Variants in QSOX1 observed in about 807,000 individuals in gnomAD.
QSOX1 encodes sulfhydryl oxidase 1.
Under a neutral mutation model 76.1 loss-of-function variants are expected in QSOX1, and 40 were observed. The observed-to-expected ratio is 0.53, with a 90% confidence interval of 0.41 to 0.68. QSOX1 has a LOEUF of 0.68. Ranked by LOEUF, QSOX1 falls within the 30% of genes least tolerant of loss-of-function variation. The pLI is 0.00. For synonymous variants in QSOX1, 392 were observed against 413.1 expected (o/e 0.95, Z 0.62); for missense variants, 931 against 974.3 (o/e 0.96, Z 0.59).
chr1:180,197,311 G>A lies in QSOX1; in HGVS notation c.*274G>A. ...GGGCAGCTCAGTCCCTGGCCTCTTA[G>A]CACCACATTCCTGTTTTTCAGCTTA... On this transcript the variant is annotated 3_prime_UTR_variant, in exon 12 of 12. Transcript: ENST00000367602. 1.2e-6 allele frequency: 2 copies of A among 1,613,962 alleles called. No individual in the cohort carries two copies. Among genetic ancestry groups the A allele is most frequent in the Non-Finnish European group, 8.5e-7 (1 of 1,180,012 alleles).
intron 1 of QSOX1, 36 bp downstream of exon 1, chr1:180,155,208 G>T: frequency 1.4e-6 from 2 of 1,434,304 alleles, no homozygotes; most frequent in Non-Finnish European, 1.8e-6. Flanking sequence ...CCCGTGCCCC[G>T]CCGCCCGGAC....
chr1:180,180,502 G>A (rs963006902), intron 5 of QSOX1, among the ~76,000 whole-genome samples: 6 of 151,724 alleles, frequency 4.0e-5, no homozygotes, highest in African/African-American at 1.5e-4. Context: ...GAGCCACTGC[G>A]CCCAACCAGG....
At chr1:180,171,259 A>G (rs755046705) in intron 2 of QSOX1, among the ~76,000 whole-genome samples, 1 of 152,184 alleles carries the variant, frequency 6.6e-6, no homozygotes, top group Non-Finnish European at 1.5e-5. Context: ...AGGCAGGTGG[A>G]GAAGGAGAGG....
At chr1:180,195,438 T>G (rs1010704979) in intron 11 of QSOX1, among the ~76,000 whole-genome samples, 1 of 152,224 alleles carries the variant, frequency 6.6e-6, no homozygotes, top group Admixed American at 6.5e-5. Flanking sequence ...CTGTTGCTGC[T>G]CCTGCTTCCT....
intron 10 of QSOX1, among the ~76,000 whole-genome samples, chr1:180,192,335 GT>G (rs1663339893): frequency 6.6e-6 from 1 of 152,312 alleles, no homozygotes; most frequent in Non-Finnish European, 1.5e-5. Context: ...GGGTTTGGAG[GT>G]TGGTGTTGGC....
chr1:180,182,416 A>G (rs1047706714), intron 6 of QSOX1, 97 bp downstream of exon 6: 1 of 1,499,336 alleles, frequency 6.7e-7, no homozygotes, highest in Admixed American at 1.8e-5. Flanking sequence ...AGTGGCCAAC[A>G]TGTTCTTTCT....
At chr1:180,161,612 T>A (rs944739227) in intron 1 of QSOX1, among the ~76,000 whole-genome samples, 6 of 152,220 alleles carry the variant, frequency 3.9e-5, no homozygotes, top group African/African-American at 1.2e-4. Flanking sequence ...ATGTTTCCAT[T>A]TTTGTTCACA....
chr1:180,184,595 G>A (rs1017800694), intron 7 of QSOX1, among the ~76,000 whole-genome samples: 4 of 152,156 alleles, frequency 2.6e-5, no homozygotes, highest in African/African-American at 7.2e-5. Flanking sequence ...GTCCACAGTC[G>A]TAAGCATGAG....
intron 5 of QSOX1, among the ~76,000 whole-genome samples, chr1:180,180,368 G>T (rs1663000564): frequency 6.6e-6 from 1 of 151,614 alleles, no homozygotes; most frequent in Admixed American, 6.6e-5. Context: ...GCACCACCAT[G>T]CCTGGCTAAT....
At chr1:180,160,818 C>T (rs1662477397) in intron 1 of QSOX1, among the ~76,000 whole-genome samples, 1 of 152,040 alleles carries the variant, frequency 6.6e-6, no homozygotes, top group South Asian at 2.1e-4. Context: ...GAGACTTGTC[C>T]CTTGAAATGT....
rs1480167672 is a variant in QSOX1, at chr1:180,202,718, G to A, written c.*5681G>A. 1 of 148,310 alleles carries A rather than the reference G, an allele frequency of 6.7e-6. No individual in the cohort carries two copies. Among genetic ancestry groups the A allele is most frequent in the Non-Finnish European group, 1.5e-5 (1 of 67,230 alleles). The allele number at this position is 148,310 out of a possible 1,614,324, so 9.2% of individuals were successfully genotyped here. A position where few individuals can be genotyped will look rare whatever the true frequency, so the allele number is the denominator to read the frequency against. On this transcript the variant is annotated 3_prime_UTR_variant, in exon 12 of 12. Transcript: ENST00000367602. ...GGGAAATATAATTGAATACTTCACT[G>A]TTTTTGAAAGCATGAAAACAATGGA...
intron 9 of QSOX1, 127 bp downstream of exon 9, chr1:180,189,801 C>A: frequency 9.3e-7 from 1 of 1,072,946 alleles, no homozygotes; most frequent in South Asian, 1.6e-5. Context: ...TCGTTGGGTC[C>A]TAACAATAAT....
Position 180,197,551 on chromosome 1 carries a change from G to A in QSOX1, c.*514G>A, listed in dbSNP as rs1442464856. 7.4e-6 allele frequency: 5 copies of A among 679,814 alleles called. No individual in the cohort carries two copies. Among genetic ancestry groups the A allele is most frequent in the Non-Finnish European group, 1.2e-5 (5 of 410,816 alleles). The allele number at this position is 679,814 out of a possible 1,614,324, so 42.1% of individuals were successfully genotyped here. A position where few individuals can be genotyped will look rare whatever the true frequency, so the allele number is the denominator to read the frequency against. ...GGAAGGACCACCCCGGGCCCTCTAT[G>A]CCTGGCCAGCCTCCAGCTCCTCAGA... On this transcript the variant is annotated 3_prime_UTR_variant, in exon 12 of 12. Coordinates refer to ENST00000367602, the MANE Select transcript of QSOX1 (RefSeq NM_002826.5).
intron 5 of QSOX1, among the ~76,000 whole-genome samples, chr1:180,179,349 C>G (rs945407251): frequency 6.6e-6 from 1 of 152,176 alleles, no homozygotes; most frequent in Non-Finnish European, 1.5e-5. Context: ...CTAGCCCCAC[C>G]GGAGGAAATG....
chr1:180,176,858 G>A (rs1350407243), intron 4 of QSOX1, among the ~76,000 whole-genome samples: 1 of 152,240 alleles, frequency 6.6e-6, no homozygotes, highest in Non-Finnish European at 1.5e-5. Flanking sequence ...CGCTGTTGGT[G>A]CGCAGAGGCT....
chr1:180,157,160 A>G (rs893318717), intron 1 of QSOX1, among the ~76,000 whole-genome samples: 4 of 152,244 alleles, frequency 2.6e-5, no homozygotes, highest in African/African-American at 9.6e-5. Context: ...AAGGAAATGG[A>G]AGGATCAAAG....
intron 1 of QSOX1, among the ~76,000 whole-genome samples, 192 bp downstream of exon 1, chr1:180,155,364 T>G (rs927204059): frequency 1.3e-5 from 2 of 152,028 alleles, no homozygotes; most frequent in Admixed American, 1.3e-4. Context: ...TCCCTTGCCT[T>G]TTCCTCTTGG....
chr1:180,197,199 G>A lies in QSOX1; in HGVS notation c.*162G>A. ...CAGTGAAGCTTCTTGGGGTTGCTAG[G>A]ACAGAGAGCTCCTTTGACACAAAAG... On this transcript the variant is annotated 3_prime_UTR_variant, in exon 12 of 12. Transcript: ENST00000367602. 1.3e-6 allele frequency: 2 copies of A among 1,554,970 alleles called. No homozygotes were observed. Among genetic ancestry groups the A allele is most frequent in the South Asian group, 2.4e-5 (2 of 83,066 alleles).
chr1:180,159,851 A>G (rs1380457851), intron 1 of QSOX1, among the ~76,000 whole-genome samples: 1 of 152,190 alleles, frequency 6.6e-6, no homozygotes, highest in Non-Finnish European at 1.5e-5. Context: ...CCTCCTAGAA[A>G]TATTATTTAA....
Sources: allele counts gnomAD v4.1 joint callset (sites outside exome capture counted in the v4.1 genomes callset), GRCh38; gene constraint gnomAD v4.1.1; transcripts MANE v1.5; gene names NCBI Gene and HGNC (gene_info 2026-07-23, HGNC 2026-07-21).